Variants in AARS2 observed in about 807,000 individuals in gnomAD.
The protein encoded by AARS2 is alanine--tRNA ligase, mitochondrial.
AARS2 carries 78 observed loss-of-function variants against 119.7 expected under a neutral mutation model. The ratio of observed to expected loss-of-function variants is 0.65; its 90% CI spans 0.54 to 0.79. The LOEUF (loss-of-function observed/expected upper bound fraction) is 0.79, where lower values mean the gene tolerates loss of function less well. Among genes scored for constraint, AARS2 ranks in the 30% least tolerant of loss-of-function variants. The pLI, the probability that AARS2 is intolerant of heterozygous loss-of-function variation, is 0.00. For missense variants in AARS2, 1,157 were observed against 1,291.3 expected (o/e 0.90, Z 1.59); for synonymous variants, 502 against 526.3 (o/e 0.95, Z 0.63).
rs1015737896 is a variant in AARS2 at position 44,305,281 on chromosome 6, C to G, written c.1435-83G>C. 2.3e-5 allele frequency: 37 copies of G among 1,579,188 alleles called. No homozygotes were observed. In the Admixed American group the frequency reaches 4.2e-4, roughly 18 times the overall value. The stretch of plus-strand genomic sequence containing the variant: ...GACTTCAGCCTCGCAGGGCCCTGTC[C>G]CTGCCACACAGCTGTGGACTCTGCA... On this transcript the variant is annotated intron_variant, in intron 10 of 21. Coordinates refer to ENST00000244571, the MANE Select transcript of AARS2 (RefSeq NM_020745.4). This position sits in a 1 kb window ranked among gnomAD's most constrained non-coding sequence, Gnocchi z 4.6.
rs945758383 is a variant in AARS2 at position 44,304,212 on chromosome 6, G to C, written c.1976C>G (p.Pro659Arg). 1 of 1,614,036 alleles carries C rather than the reference G, an allele frequency of 6.2e-7. No individual in the cohort carries two copies. The highest frequency in any genetic ancestry group is 1.1e-5 in the South Asian group (1 of 91,078). The stretch of plus-strand genomic sequence containing the variant: ...GGTCACATCCAAGCGCAGCTGCTCA[G>C]GATTGAGATGGGAGCCCTGCTGCTC... ...GTEQQGSHLN[P>R]EQLRLDVTTQ... The change falls in exon 14 of 22, where the codon CCT becomes CGT. Residue 659 changes from proline (P) to arginine (R), a missense_variant. Coordinates refer to ENST00000244571, the MANE Select transcript of AARS2 (RefSeq NM_020745.4).
chr6:44,300,896 A>AACGTGAAC (rs2153353435), intron 21 of AARS2, 185 bp from the exon 22 acceptor site: 1 of 782,578 alleles, frequency 1.3e-6, no homozygotes, highest in East Asian at 2.7e-5. Flanking sequence ...GAGGTGTATG[A>AACGTGAAC]ACGTGAACAT....
intron 17 of AARS2, 97 bp downstream of exon 17, chr6:44,302,705 G>C (rs762851578): frequency 6.9e-7 from 1 of 1,455,854 alleles, no homozygotes; most frequent in Non-Finnish European, 9.5e-7. Context: ...ATGAACACTG[G>C]CTCTGCTGCT....
At position 44,302,531 on chromosome 6, in the gene AARS2, G is replaced by A. The variant is rs747221109; in HGVS notation, c.2365-18C>T. 1.9e-6 allele frequency: 3 copies of A among 1,613,932 alleles called. No individual in the cohort carries two copies. Among genetic ancestry groups the A allele is most frequent in the South Asian group, 1.1e-5 (1 of 91,050 alleles). On this transcript the variant is annotated intron_variant, in intron 17 of 21. Coordinates refer to ENST00000244571, the MANE Select transcript of AARS2 (RefSeq NM_020745.4). ...TCTCGGGCCTGCAGGGAGGGGACAG[G>A]AGGGTCAGGATTACATTCATCTCCC...
rs1460705749 is a variant in AARS2, at chr6:44,305,025, T to C, written c.1579+29A>G. On this transcript the variant is annotated intron_variant, in intron 11 of 21. Transcript: ENST00000244571. This position sits in a 1 kb window ranked among gnomAD's most constrained non-coding sequence, Gnocchi z 4.6. ...TCTTAGTCATGGTCAGGCAAGCTTG[T>C]GGCGGCAGGCCTTGGTCCAGGCTCT... is the stretch of plus-strand genomic sequence containing the variant. 1.9e-6 allele frequency: 3 copies of C among 1,613,946 alleles called. No individual in the cohort carries two copies. Among genetic ancestry groups the C allele is most frequent in the African/African-American group, 2.7e-5 (2 of 74,936 alleles).
At position 44,299,498 on chromosome 6, in the gene AARS2, C is replaced by T. The variant is rs1420583602; in HGVS notation, c.*1049G>A. ...CAGGCTGGTCTTGCACTTCTGGCCT[C>T]AAGCGATTCTCCAACCTCAGCCTCC... is the stretch of plus-strand genomic sequence containing the variant. On this transcript the variant is annotated 3_prime_UTR_variant, in exon 22 of 22. Transcript: ENST00000244571. Among the ~76,000 whole-genome samples the T allele has an allele frequency of 6.6e-6, 1 of 151,518 alleles. No homozygotes were observed. Among genetic ancestry groups the T allele is most frequent in the East Asian group, 2.0e-4 (1 of 5,126 alleles).
At chr6:44,310,553 G>A (rs1425979516) in intron 4 of AARS2, 110 bp from the exon 5 acceptor site, 2 of 1,408,172 alleles carry the variant, frequency 1.4e-6, no homozygotes, top group African/African-American at 2.8e-5. Context: ...CTGACAGTGG[G>A]AGGAACCAGA....
In AARS2 at chr6:44,313,332, C is replaced by T. The variant is rs1023446459; in HGVS notation, c.-9G>A. 2 of 1,598,982 alleles carry T rather than the reference C, an allele frequency of 1.3e-6. No homozygotes were observed. The highest frequency in any genetic ancestry group is 1.3e-5 in the African/African-American group (1 of 74,846). ...GCCACTGACGCTGCCATCGTAGCTCCGGGCAGTGACTTTACGTGGTCAAAG... is the reference window on the plus strand; with the variant it reads ...GCCACTGACGCTGCCATCGTAGCTCTGGGCAGTGACTTTACGTGGTCAAAG... On this transcript the variant is annotated 5_prime_UTR_variant, in exon 1 of 22. Coordinates refer to ENST00000244571, the MANE Select transcript of AARS2 (RefSeq NM_020745.4).
At position 44,306,934 on chromosome 6, in the gene AARS2, C is replaced by T; in HGVS notation, c.1138G>A (p.Val380Met). 6.2e-7 allele frequency: 1 copy of T among 1,613,912 alleles called. No individual in the cohort carries two copies. The highest frequency in any genetic ancestry group is 8.5e-7 in the Non-Finnish European group (1 of 1,179,844). The change falls in exon 7 of 22, where the codon GTG becomes ATG. Residue 380 changes from valine (V) to methionine (M), a missense_variant. Transcript: ENST00000244571. ...GFLGSLVPVV[V>M]ETLGDAYPEL... ...AGCTCTGTCCTTACCAGTGTCTCCA[C>T]CACTACAGGTACCAGGCTGCCTAGG...
Position 44,307,268 on chromosome 6 carries a change from G to A in AARS2, c.1021C>T (p.Pro341Ser). The A allele has an allele frequency of 6.2e-7, 1 of 1,613,818 alleles. No individual in the cohort carries two copies. The highest frequency in any genetic ancestry group is 8.5e-7 in the Non-Finnish European group (1 of 1,179,948). ...LSVCISDGIF[P>S]GMSGPPLVLR... is the part of the protein sequence containing the mutation. ...ACTCACGGGGGACCTGACATCCCAG[G>A]GAAGATGCCATCAGAGATGCAGACA... The change falls in exon 6 of 22, where the codon CCT becomes TCT. Residue 341 changes from proline (P) to serine (S), a missense_variant. Transcript: ENST00000244571. The surrounding 1 kb of genome is among the most constrained non-coding windows in gnomAD (Gnocchi z 4.4).
At position 44,307,177 on chromosome 6, in the gene AARS2, CTCCTGT is replaced by C; in HGVS notation, c.1040+66_1040+71del. 6.2e-7 allele frequency: 1 copy of C among 1,609,386 alleles called. No individual in the cohort carries two copies. The highest frequency in any genetic ancestry group is 8.5e-7 in the Non-Finnish European group (1 of 1,177,630). On this transcript the variant is annotated intron_variant, in intron 6 of 21. Transcript: ENST00000244571. This position sits in a 1 kb window ranked among gnomAD's most constrained non-coding sequence, Gnocchi z 4.4. The stretch of plus-strand genomic sequence containing the variant: ...CCTACTGGCTCAACCAGACCCACCT[CTCCTGT>C]TCCCTCCCTCCTCCACCTGAGACCC...
chr6:44,312,846 A>G (rs1561944340), intron 1 of AARS2, among the ~76,000 whole-genome samples: 1 of 152,236 alleles, frequency 6.6e-6, no homozygotes, highest in Non-Finnish European at 1.5e-5. Flanking sequence ...ATTCCACTCC[A>G]GCCATTTCTG....
rs1785787292 is a variant in AARS2, at chr6:44,305,740, G to A, written c.1347C>T (p.Pro449=). The A allele has an allele frequency of 3.1e-6, 5 of 1,614,126 alleles. No individual in the cohort carries two copies. Among genetic ancestry groups the A allele is most frequent in the Non-Finnish European group, 4.2e-6 (5 of 1,180,010 alleles). Residue 449 remains proline (P), a synonymous_variant, in exon 10 of 22, where the codon CCC becomes CCT. Coordinates refer to ENST00000244571, the MANE Select transcript of AARS2 (RefSeq NM_020745.4). The surrounding 1 kb of genome is among the most constrained non-coding windows in gnomAD (Gnocchi z 4.6). The stretch of plus-strand genomic sequence containing the variant: ...CCAGCATCAGCTCTACCATGTCCAA[G>A]GGGAGTCCCAGGTCTCCACACAGTG... ...SLSLCGDLGL[P]LDMVELMLEE... is the part of the protein sequence containing the mutation.
intron 14 of AARS2, 97 bp downstream of exon 14, chr6:44,304,084 A>G: frequency 1.3e-6 from 2 of 1,564,862 alleles, no homozygotes; most frequent in Admixed American, 1.7e-5. Flanking sequence ...TGCTGGGCCT[A>G]GAGCCCAGGA....
intron 7 of AARS2, 56 bp from the exon 8 acceptor site, chr6:44,306,588 C>A (rs1365663875): frequency 3.1e-6 from 5 of 1,604,670 alleles, no homozygotes; most frequent in African/African-American, 2.7e-5. Flanking sequence ...CCACCCCCAC[C>A]TCCCCACCCT....
intron 2 of AARS2, 25 bp from the exon 3 acceptor site, chr6:44,311,560 G>T (rs78621015): frequency 8.2e-5 from 132 of 1,604,314 alleles, no homozygotes; most frequent in South Asian, 4.4e-4. Context: ...AGCATGGGGT[G>T]GGGGGGGAAG....
At chr6:44,306,800 C>G in intron 7 of AARS2, 123 bp downstream of exon 7, 1 of 955,772 alleles carries the variant, frequency 1.0e-6, no homozygotes, top group Non-Finnish European at 1.7e-6. Flanking sequence ...TGATAGGATG[C>G]TGGGCTCGAT....
chr6:44,303,232 A>G, intron 15 of AARS2, 54 bp downstream of exon 15: 2 of 1,614,048 alleles, frequency 1.2e-6, no homozygotes, highest in Non-Finnish European at 1.7e-6. Flanking sequence ...TAAAGCCTCC[A>G]GGTATGCCTG....
At position 44,311,195 on chromosome 6, in the gene AARS2, G is replaced by A. The variant is rs371325513; in HGVS notation, c.582-34C>T. The A allele has an allele frequency of 5.6e-6, 9 of 1,613,492 alleles. No homozygotes were observed. In the African/African-American group the frequency reaches 1.2e-4, roughly 22 times the overall value. On this transcript the variant is annotated intron_variant, in intron 3 of 21. Coordinates refer to ENST00000244571, the MANE Select transcript of AARS2 (RefSeq NM_020745.4). ...AAAAGCAGGTGAGTGGTGGGAGACA[G>A]ACAGACCCAGAAGCTGGGACTCTCT...
Sources: allele counts gnomAD v4.1 joint callset (sites outside exome capture counted in the v4.1 genomes callset), GRCh38; gene constraint gnomAD v4.1.1; non-coding constraint Gnocchi (gnomAD v3.1); transcripts MANE v1.5; gene names NCBI Gene and HGNC (gene_info 2026-07-23, HGNC 2026-07-21).